GALNT2: variants seen among roughly 807,000 people sequenced by gnomAD.
GALNT2 encodes UDP-GalNAc:polypeptide N-acetylgalactosaminyltransferase 2.
A neutral mutation model predicts 81.4 loss-of-function variants in GALNT2; 31 were observed. That is an observed-to-expected ratio of 0.38 (90% CI 0.29 to 0.51). The LOEUF (loss-of-function observed/expected upper bound fraction) is 0.51. Among genes scored for constraint, GALNT2 ranks in the 20% least tolerant of loss-of-function variants. The pLI is 0.87. For missense variants in GALNT2, 629 were observed against 765.7 expected (o/e 0.82, Z 2.11); for synonymous variants, 303 against 287.4 (o/e 1.05, Z -0.55).
upstream of GALNT2, among the ~76,000 whole-genome samples, chr1:230,062,316 T>C (rs1659068659): frequency 6.6e-6 from 1 of 152,244 alleles, no homozygotes; most frequent in Non-Finnish European, 1.5e-5. Flanking sequence ...ATCTATAATG[T>C]TGTGGAAATA....
intron 1 of GALNT2, among the ~76,000 whole-genome samples, chr1:230,077,917 A>G (rs1265742826): frequency 1.3e-5 from 2 of 152,204 alleles, no homozygotes; most frequent in Non-Finnish European, 2.9e-5. Context: ...AGGGATTAAG[A>G]GTGCTTGCTT....
intron 1 of GALNT2, among the ~76,000 whole-genome samples, chr1:230,117,094 T>C (rs948758720): frequency 2.6e-5 from 4 of 152,224 alleles, no homozygotes; most frequent in African/African-American, 9.7e-5. Context: ...CCATCAGCAC[T>C]TGCTGCTTCA....
At chr1:230,086,208 C>T (rs950668353) in intron 1 of GALNT2, among the ~76,000 whole-genome samples, 3 of 152,114 alleles carry the variant, frequency 2.0e-5, no homozygotes, top group South Asian at 2.1e-4. Context: ...GAGAATAATA[C>T]GAGCTCCTGG....
At chr1:230,197,313 G>A (rs1253387240) in intron 2 of GALNT2, among the ~76,000 whole-genome samples, 2 of 152,170 alleles carry the variant, frequency 1.3e-5, no homozygotes, top group Admixed American at 1.3e-4. Flanking sequence ...GTACTCGTGG[G>A]TAACAGCAGG....
At chr1:230,247,769 G>A (rs73114080) in intron 8 of GALNT2, among the ~76,000 whole-genome samples, 22,192 of 151,986 alleles carry the variant, frequency 0.15, 1,800 homozygotes, top group Middle Eastern at 0.21. Flanking sequence ...AGCATTTTAT[G>A]AAATTCCTTT....
At chr1:230,265,852 T>C (rs1336732015) in intron 14 of GALNT2, among the ~76,000 whole-genome samples, 2 of 152,220 alleles carry the variant, frequency 1.3e-5, no homozygotes, top group African/African-American at 4.8e-5. Flanking sequence ...ATACTCAGTA[T>C]TAATTGCTTC....
chr1:230,130,039 A>C (rs1212088941), intron 1 of GALNT2, among the ~76,000 whole-genome samples: 1 of 152,210 alleles, frequency 6.6e-6, no homozygotes, highest in African/African-American at 2.4e-5. Flanking sequence ...TTACTTGTAG[A>C]ACGTGGAGCC....
chr1:230,232,915 A>T (rs1485098042), intron 3 of GALNT2, among the ~76,000 whole-genome samples: 1 of 152,190 alleles, frequency 6.6e-6, no homozygotes, highest in South Asian at 2.1e-4. Flanking sequence ...GTTTCCCCCC[A>T]AAAACTAGTA....
chr1:230,063,111 G>A (rs1240262916), upstream of GALNT2, among the ~76,000 whole-genome samples: 2 of 152,038 alleles, frequency 1.3e-5, no homozygotes, highest in African/African-American at 2.4e-5. Flanking sequence ...AGGAGTTTGC[G>A]ACCAGCCTGG....
intron 6 of GALNT2, among the ~76,000 whole-genome samples, chr1:230,240,593 G>C (rs1665171635): frequency 1.3e-5 from 2 of 151,926 alleles, no homozygotes; most frequent in African/African-American, 4.8e-5. Flanking sequence ...CTCTGTCTCA[G>C]AAAATTCATA....
chr1:230,115,296 G>A (rs1348454087), intron 1 of GALNT2, among the ~76,000 whole-genome samples: 1 of 152,114 alleles, frequency 6.6e-6, no homozygotes. Context: ...GTTCACTCTT[G>A]CTTTTGTACA....
In GALNT2 at chr1:230,262,937, G is replaced by A. The variant is rs1319676555; in HGVS notation, c.1245G>A (p.Leu415=). The A allele has an allele frequency of 2.5e-6, 4 of 1,613,894 alleles. No individual in the cohort carries two copies. Among genetic ancestry groups the A allele is most frequent in the East Asian group, 2.2e-5 (1 of 44,900 alleles). The change falls in exon 13 of 16, where the codon TTG becomes TTA. Residue 415 remains leucine (L), a synonymous_variant. Coordinates refer to ENST00000366672, the MANE Select transcript of GALNT2 (RefSeq NM_004481.5). ...TCTTCTCCAGTATTCAGAGCAGATT[G>A]GAGCTTAGGAAGAAACTCAGCTGCA... ...NVPYGNIQSR[L]ELRKKLSCKP...
intron 1 of GALNT2, among the ~76,000 whole-genome samples, chr1:230,071,788 G>GGCAC (rs1362952044): frequency 6.6e-6 from 1 of 152,152 alleles, no homozygotes; most frequent in Non-Finnish European, 1.5e-5. Flanking sequence ...ATCCGACAGT[G>GGCAC]GCACTGTAAC....
At chr1:230,216,717 C>T (rs968157366) in intron 3 of GALNT2, among the ~76,000 whole-genome samples, 6 of 152,180 alleles carry the variant, frequency 3.9e-5, no homozygotes, top group African/African-American at 7.2e-5. Flanking sequence ...CATGAGCCAC[C>T]ATGCCTGGCC....
intron 3 of GALNT2, among the ~76,000 whole-genome samples, chr1:230,211,733 A>G (rs1052703235): frequency 6.6e-6 from 1 of 152,120 alleles, no homozygotes; most frequent in African/African-American, 2.4e-5. Flanking sequence ...TGATCATGCT[A>G]TTGCACTCTA....
At chr1:230,069,185 T>C (rs964170626) in intron 1 of GALNT2, among the ~76,000 whole-genome samples, 1 of 152,226 alleles carries the variant, frequency 6.6e-6, no homozygotes, top group Non-Finnish European at 1.5e-5. Flanking sequence ...TCTGGTGGGC[T>C]TCAGTTCCTG....
chr1:230,121,560 G>C (rs1018342952), intron 1 of GALNT2, among the ~76,000 whole-genome samples: 2 of 152,190 alleles, frequency 1.3e-5, no homozygotes, highest in South Asian at 4.1e-4. Context: ...GAATACTCAA[G>C]GCAAGGTTTG....
At chr1:230,082,388 G>A (rs1469784306) in intron 1 of GALNT2, among the ~76,000 whole-genome samples, 3 of 152,248 alleles carry the variant, frequency 2.0e-5, no homozygotes, top group African/African-American at 4.8e-5. Context: ...TGATGGGTTG[G>A]TGATTTCATA....
intron 2 of GALNT2, among the ~76,000 whole-genome samples, chr1:230,198,105 A>G (rs1663760843): frequency 6.6e-6 from 1 of 152,204 alleles, no homozygotes; most frequent in African/African-American, 2.4e-5. Flanking sequence ...CCTCCCAGTC[A>G]CGCGCAGGAT....
Sources: gnomAD v4.1 joint callset for allele counts (sites outside exome capture counted in the v4.1 genomes callset) on GRCh38, gnomAD v4.1.1 for gene constraint, MANE v1.5 for transcripts, NCBI Gene and HGNC (gene_info 2026-07-23, HGNC 2026-07-21) for gene names.